The following LAMA2 variants were observed in gnomAD, a reference collection of about 807,000 sequenced individuals.
The protein encoded by LAMA2 is laminin subunit alpha 2, also known as laminin subunit alpha-2.
Under a neutral mutation model 364.8 loss-of-function variants are expected in LAMA2, and 269 were observed. The observed-to-expected ratio is 0.74, with a 90% CI of 0.67 to 0.82. The LOEUF is 0.82. LAMA2 is among the 40% of genes least tolerant of loss of function. The pLI is 0.00. For synonymous variants in LAMA2, 1,379 were observed against 1,370.6 expected (o/e 1.01, Z -0.14); for missense variants, 3,807 against 3,873.2 (o/e 0.98, Z 0.45).
intron 1 of LAMA2, among the ~76,000 whole-genome samples, chr6:129,021,774 A>T (rs536832439): frequency 6.6e-6 from 1 of 152,232 alleles, no homozygotes; most frequent in Non-Finnish European, 1.5e-5. Context: ...AAGGGAAGAA[A>T]GTCAGAAAAG....
At chr6:129,395,418 A>C (rs568462145) in intron 37 of LAMA2, among the ~76,000 whole-genome samples, 2 of 152,308 alleles carry the variant, frequency 1.3e-5, no homozygotes, top group South Asian at 4.1e-4. Flanking sequence ...TGTGTCAGTG[A>C]TGAGCCCCCT....
intron 9 of LAMA2, among the ~76,000 whole-genome samples, chr6:129,167,164 A>AT (rs1031877491): frequency 1.2e-3 from 181 of 151,874 alleles, no homozygotes; most frequent in African/African-American, 4.1e-3. Context: ...TTCAGTTTTT[A>AT]TTTTTTTTAA....
At chr6:129,355,148 T>C (rs1011795538) in intron 32 of LAMA2, among the ~76,000 whole-genome samples, 1 of 152,164 alleles carries the variant, frequency 6.6e-6, no homozygotes, top group African/African-American at 2.4e-5. Flanking sequence ...ATCTAGACTC[T>C]TTTGCTAAAG....
chr6:129,328,271 CTT>C lies in LAMA2; in HGVS notation c.4177-5_4177-4del. 6.2e-7 allele frequency: 1 copy of C among 1,613,932 alleles called. No individual in the cohort carries two copies. Among genetic ancestry groups the C allele is most frequent in the Non-Finnish European group, 8.5e-7 (1 of 1,179,844 alleles). ...TTGCTGTCCTAATTGGCTTCCTTTTCTTTCAGGCATGCTTGCCGGGATTTTAT... is the reference window on the plus strand; with the variant it reads ...TTGCTGTCCTAATTGGCTTCCTTTTCTCAGGCATGCTTGCCGGGATTTTAT... On this transcript the variant is annotated splice_region_variant and splice_polypyrimidine_tract_variant and intron_variant, in intron 28 of 64. Transcript: ENST00000421865.
intron 4 of LAMA2, among the ~76,000 whole-genome samples, chr6:129,129,304 C>T (rs1190124516): frequency 6.6e-6 from 1 of 152,134 alleles, no homozygotes; most frequent in Non-Finnish European, 1.5e-5. Context: ...AAGAGATGCA[C>T]TCATTTGAAT....
intron 7 of LAMA2, among the ~76,000 whole-genome samples, chr6:129,152,691 T>G (rs1400139104): frequency 6.6e-6 from 1 of 152,182 alleles, no homozygotes; most frequent in Non-Finnish European, 1.5e-5. Flanking sequence ...AGGAAACTTT[T>G]CTAACATTAG....
rs1221480745 is a variant in LAMA2 at position 129,507,597 on chromosome 6, G to T, written c.8812G>T (p.Ala2938Ser). The change falls in exon 62 of 65, where the codon GCT (alanine) becomes TCT (serine). Residue 2938 changes from alanine to serine, a missense_variant. Physicochemically the swap from Ala to Ser is moderately conservative, Grantham distance 99. Coordinates refer to ENST00000421865, the MANE Select transcript of LAMA2 (RefSeq NM_000426.4). ...SFHVGTCFAN[A>S]QRGTYFDGTG... ...CCATGTTGGGACATGTTTTGCAAAT[G>T]CTCAGAGGGGAACATATTTTGACGG... 3 of 1,614,070 alleles carry T rather than the reference G, an allele frequency of 1.9e-6. No homozygotes were observed. The highest frequency in any genetic ancestry group is 2.2e-5 in the East Asian group (1 of 44,886).
intron 8 of LAMA2, among the ~76,000 whole-genome samples, chr6:129,164,776 G>A (rs544660719): frequency 6.6e-4 from 100 of 152,258 alleles, no homozygotes; most frequent in African/African-American, 2.2e-3. Flanking sequence ...ACAATAAAGG[G>A]ATCAGTTAAG....
intron 45 of LAMA2, among the ~76,000 whole-genome samples, chr6:129,448,149 A>G (rs1782485148): frequency 6.6e-6 from 1 of 152,058 alleles, no homozygotes; most frequent in East Asian, 1.9e-4. Context: ...TTACCTGGGC[A>G]TGGTACATGC....
At chr6:128,912,357 C>G (rs1778023956) in intron 1 of LAMA2, among the ~76,000 whole-genome samples, 1 of 152,106 alleles carries the variant, frequency 6.6e-6, no homozygotes, top group African/African-American at 2.4e-5. Flanking sequence ...CTTTCTCCCT[C>G]TTTTTACACA....
At chr6:129,294,735 A>G (rs1473434589) in intron 20 of LAMA2, among the ~76,000 whole-genome samples, 2 of 152,208 alleles carry the variant, frequency 1.3e-5, no homozygotes, top group African/African-American at 4.8e-5. Context: ...GTTGTCTTGC[A>G]GGTAGATCGG....
At chr6:129,419,486 C>T (rs771916623) in intron 40 of LAMA2, among the ~76,000 whole-genome samples, 2 of 152,152 alleles carry the variant, frequency 1.3e-5, no homozygotes, top group South Asian at 4.2e-4. Flanking sequence ...CCCACCCCAC[C>T]TCTAGTAGCC....
At chr6:129,031,788 C>A (rs1174688165) in intron 1 of LAMA2, among the ~76,000 whole-genome samples, 2 of 151,700 alleles carry the variant, frequency 1.3e-5, no homozygotes, top group Non-Finnish European at 2.9e-5. Context: ...AACAGGCACA[C>A]AATTTATGTA....
intron 23 of LAMA2, among the ~76,000 whole-genome samples, chr6:129,313,905 AT>A (rs965817183): frequency 5.9e-5 from 9 of 152,344 alleles, no homozygotes; most frequent in East Asian, 3.9e-4. Flanking sequence ...CGCAATTATG[AT>A]CATATATTTA....
chr6:129,075,054 TTAGAA>T (rs1351655757), intron 3 of LAMA2, among the ~76,000 whole-genome samples: 1 of 152,114 alleles, frequency 6.6e-6, no homozygotes, highest in Non-Finnish European at 1.5e-5. Flanking sequence ...AGTAAACAAT[TTAGAA>T]TAGTGCAAGT....
chr6:129,349,307 CTCT>C lies in LAMA2; in HGVS notation c.4448_4450del (p.Ser1483del), dbSNP rs1776728963. On this transcript the variant is annotated inframe_deletion, in exon 31 of 65. Transcript: ENST00000421865. The stretch of plus-strand genomic sequence containing the variant: ...TTTCTTTCTGATTCAGTTTCAGCCC[CTCT>C]TGTGTCGCAGAAGGACTTGACGACT... 1 of 1,613,184 alleles carries C rather than the reference CTCT, an allele frequency of 6.2e-7. No homozygotes were observed. The highest frequency in any genetic ancestry group is 1.1e-5 in the South Asian group (1 of 91,070).
intron 1 of LAMA2, among the ~76,000 whole-genome samples, chr6:129,021,226 T>C (rs1785431081): frequency 6.6e-6 from 1 of 152,220 alleles, no homozygotes; most frequent in East Asian, 1.9e-4. Context: ...CAATATCTTA[T>C]GAACCGGGCA....
chr6:128,969,675 C>T (rs1358143735), intron 1 of LAMA2, among the ~76,000 whole-genome samples: 1 of 152,092 alleles, frequency 6.6e-6, no homozygotes, highest in Non-Finnish European at 1.5e-5. Context: ...AAGTGATCCA[C>T]CCACCTAGAC....
intron 40 of LAMA2, among the ~76,000 whole-genome samples, chr6:129,407,455 T>C (rs1398786296): frequency 6.6e-6 from 1 of 152,208 alleles, no homozygotes; most frequent in Non-Finnish European, 1.5e-5. Context: ...TAAATGCTGA[T>C]ATGAAGTCAA....
Sources: allele counts gnomAD v4.1 joint callset (sites outside exome capture counted in the v4.1 genomes callset), GRCh38; gene constraint gnomAD v4.1.1; transcripts MANE v1.5; gene names NCBI Gene and HGNC (gene_info 2026-07-23, HGNC 2026-07-21).